The following ADK variants were observed in gnomAD, a reference collection of about 807,000 sequenced individuals.
ADK encodes N6,N6-dimethyladenosine kinase.
Under a neutral mutation model 44.7 loss-of-function variants are expected in ADK, and 24 were observed. That is an observed-to-expected ratio of 0.54 (90% CI 0.39 to 0.76). The LOEUF is 0.76. ADK is among the 30% of genes least tolerant of loss of function. The pLI, the probability that ADK is intolerant of heterozygous loss-of-function variation, is 0.00. For synonymous variants in ADK, 128 were observed against 142.6 expected, an observed-to-expected ratio of 0.90 and a Z score of 0.73; for missense variants, 321 against 425.1, an observed-to-expected ratio of 0.76 and a Z score of 2.15.
intron 7 of ADK, among the ~76,000 whole-genome samples, chr10:74,572,157 A>T (rs1319862716): frequency 6.6e-6 from 1 of 152,052 alleles, no homozygotes; most frequent in Non-Finnish European, 1.5e-5. Context: ...GTTCCTTTCC[A>T]TGTTTAGTGC....
At chr10:74,627,576 G>C in intron 9 of ADK, among the ~76,000 whole-genome samples, 1 of 147,428 alleles carries the variant, frequency 6.8e-6, no homozygotes, top group East Asian at 2.0e-4. Flanking sequence ...TTTTTTTTAA[G>C]TACTAAGAGT....
chr10:74,642,231 GA>G (rs1202653881), intron 9 of ADK, among the ~76,000 whole-genome samples: 1 of 151,878 alleles, frequency 6.6e-6, no homozygotes, highest in Non-Finnish European at 1.5e-5. Flanking sequence ...GGTTTATTCA[GA>G]AATTTTCTGA....
intron 2 of ADK, among the ~76,000 whole-genome samples, chr10:74,218,819 A>G (rs1437416401): frequency 5.3e-5 from 8 of 152,302 alleles, no homozygotes; most frequent in East Asian, 1.9e-4. Context: ...AGCAAATGCT[A>G]AGAGATTTTG....
intron 6 of ADK, among the ~76,000 whole-genome samples, chr10:74,408,154 ATTT>A (rs146437712): frequency 3.9e-5 from 4 of 103,864 alleles, no homozygotes; most frequent in Non-Finnish European, 4.2e-5. Context: ...TGAGTTTTGT[ATTT>A]TTTTTTTTTT....
intron 1 of ADK, among the ~76,000 whole-genome samples, chr10:74,151,665 G>A (rs952249314): frequency 6.6e-6 from 1 of 152,204 alleles, no homozygotes; most frequent in South Asian, 2.1e-4. Flanking sequence ...GGTCGGACCG[G>A]AGCAGCGTCT....
chr10:74,185,979 C>G (rs1842745956), intron 1 of ADK, among the ~76,000 whole-genome samples: 1 of 151,712 alleles, frequency 6.6e-6, no homozygotes, highest in South Asian at 2.1e-4. Flanking sequence ...CCCTGAGTAG[C>G]TGGGATTACA....
chr10:74,492,101 C>T (rs1333640562), intron 6 of ADK, among the ~76,000 whole-genome samples: 1 of 152,064 alleles, frequency 6.6e-6, no homozygotes, highest in Non-Finnish European at 1.5e-5. Context: ...AATAATGCCT[C>T]TTTAACCTCT....
chr10:74,176,781 C>G (rs1325976515), intron 1 of ADK: 3 of 1,584,266 alleles, frequency 1.9e-6, no homozygotes, highest in Non-Finnish European at 2.6e-6. Flanking sequence ...AGTGCCTGAG[C>G]CGGGAAGCAG....
intron 3 of ADK, among the ~76,000 whole-genome samples, chr10:74,287,962 G>T (rs1208919785): frequency 7.4e-6 from 1 of 135,740 alleles, no homozygotes; most frequent in African/African-American, 2.8e-5. Flanking sequence ...TGCCTGGGGC[G>T]ATGTACTGAG....
chr10:74,346,560 C>A (rs1841772399), intron 4 of ADK, among the ~76,000 whole-genome samples: 1 of 152,122 alleles, frequency 6.6e-6, no homozygotes, highest in South Asian at 2.1e-4. Flanking sequence ...GAAAGGGTTT[C>A]ATAATGTAAA....
At chr10:74,242,608 C>T (rs1845259504) in intron 3 of ADK, among the ~76,000 whole-genome samples, 1 of 152,084 alleles carries the variant, frequency 6.6e-6, no homozygotes, top group Non-Finnish European at 1.5e-5. Context: ...GGTGAAACCC[C>T]ACCTCCAAGG....
At chr10:74,332,853 T>C (rs957357327) in intron 4 of ADK, among the ~76,000 whole-genome samples, 1 of 152,196 alleles carries the variant, frequency 6.6e-6, no homozygotes, top group Non-Finnish European at 1.5e-5. Context: ...CTTTTAAAAA[T>C]GAAAACACTC....
chr10:74,348,750 G>A (rs143242781), intron 4 of ADK, among the ~76,000 whole-genome samples: 17 of 151,592 alleles, frequency 1.1e-4, no homozygotes, highest in African/African-American at 3.6e-4. Flanking sequence ...CACAGCACGA[G>A]CACTTCATGA....
At chr10:74,468,180 T>G (rs1393220187) in intron 6 of ADK, among the ~76,000 whole-genome samples, 2 of 152,176 alleles carry the variant, frequency 1.3e-5, no homozygotes, top group African/African-American at 2.4e-5. Flanking sequence ...TAGATAGATG[T>G]ATAATTTTGT....
rs964330860 is a variant in ADK, at chr10:74,226,615, C to T, written c.194+2024C>T. ...CTCTCTAAATATTTCAACACATATA[C>T]CATTAACTAGAGTTTTATATTTCAA... On this transcript the variant is annotated intron_variant, in intron 3 of 10. Transcript: ENST00000539909. Among the ~76,000 whole-genome samples, 12 of 151,886 alleles carry T rather than the reference C, an allele frequency of 7.9e-5. 1 individual carries two copies. The highest frequency in any genetic ancestry group is 1.0e-4 in the Non-Finnish European group (7 of 67,998).
At chr10:74,268,269 G>A (rs554714625) in intron 3 of ADK, among the ~76,000 whole-genome samples, 2 of 152,156 alleles carry the variant, frequency 1.3e-5, no homozygotes, top group South Asian at 2.1e-4. Context: ...GCTGCAGCTC[G>A]ATTGCGCCAC....
In ADK at chr10:74,455,415, T is replaced by C. The variant is rs144295055; in HGVS notation, c.555+56836T>C. ...GGAGGCCAAGGCAGGAGGATCACAA[T>C]TGATCCTCAGGAAGATCATGCTTGT... On this transcript the variant is annotated intron_variant, in intron 6 of 10. Coordinates refer to ENST00000539909, the MANE Select transcript of ADK (RefSeq NM_006721.4). 8.4e-3 allele frequency among the ~76,000 whole-genome samples: 1,281 copies of C among 152,300 alleles called. 22 individuals carry two copies. Among genetic ancestry groups the C allele is most frequent in the African/African-American group, 0.028 (1,172 of 41,566 alleles).
At chr10:74,612,943 G>C (rs1019232397) in intron 9 of ADK, among the ~76,000 whole-genome samples, 1 of 152,014 alleles carries the variant, frequency 6.6e-6, no homozygotes, top group African/African-American at 2.4e-5. Flanking sequence ...TTGTAGGTTT[G>C]TGGGTTTACT....
At chr10:74,498,797 G>A (rs996435702) in intron 6 of ADK, among the ~76,000 whole-genome samples, 1 of 152,024 alleles carries the variant, frequency 6.6e-6, no homozygotes, top group Admixed American at 6.6e-5. Context: ...GCAAAGACTT[G>A]GAACCAACCC....
Sources: gnomAD v4.1 joint callset for allele counts (sites outside exome capture counted in the v4.1 genomes callset) on GRCh38, gnomAD v4.1.1 for gene constraint, MANE v1.5 for transcripts, NCBI Gene and HGNC (gene_info 2026-07-23, HGNC 2026-07-21) for gene names.